The following MED26 variants were observed in gnomAD, a reference collection of about 807,000 sequenced individuals.
MED26 encodes the protein mediator complex subunit 26.
In MED26, 7 loss-of-function variants were observed where a neutral mutation model predicts 43.7. That is an observed-to-expected ratio of 0.16 (90% CI 0.09 to 0.30). The LOEUF is 0.30. MED26 is among the 10% of genes least tolerant of loss of function. The pLI is 1.00. For synonymous variants in MED26, 375 were observed against 371.1 expected, an observed-to-expected ratio of 1.01 and a Z score of -0.12; for missense variants, 784 against 840.6, an observed-to-expected ratio of 0.93 and a Z score of 0.83.
At chr19:16,624,391 C>T (rs559772422) in intron 1 of MED26, 33 of 152,354 alleles carry the variant, frequency 2.2e-4, no homozygotes, top group Middle Eastern at 6.8e-3. Context: ...GAAAGCAGCT[C>T]CCAAGGACGT....
At chr19:16,616,785 A>C (rs1268786738) in intron 1 of MED26, among the ~76,000 whole-genome samples, 2 of 152,142 alleles carry the variant, frequency 1.3e-5, no homozygotes, top group African/African-American at 4.8e-5. Flanking sequence ...GCTTAGGGGG[A>C]GCAGGCACCA....
At chr19:16,596,823 A>G (rs1028212932) in intron 1 of MED26, among the ~76,000 whole-genome samples, 1 of 152,192 alleles carries the variant, frequency 6.6e-6, no homozygotes, top group African/African-American at 2.4e-5. Flanking sequence ...ACGGGGTTCC[A>G]CAGCCTAGCC....
At chr19:16,580,455 G>A (rs1395467304) in intron 1 of MED26, among the ~76,000 whole-genome samples, 5 of 151,606 alleles carry the variant, frequency 3.3e-5, no homozygotes, top group Admixed American at 6.6e-5. Flanking sequence ...TGCAACCTCC[G>A]TCTCCTGGGT....
chr19:16,606,672 G>A (rs2086174824), intron 1 of MED26, among the ~76,000 whole-genome samples: 1 of 152,274 alleles, frequency 6.6e-6, no homozygotes, highest in Admixed American at 6.5e-5. Context: ...GAAACCTAGA[G>A]AGATTTTTGA....
rs116384010 is a variant in MED26, at chr19:16,603,085, C to T, written c.73-24676G>A. On this transcript the variant is annotated intron_variant, in intron 1 of 2. Transcript: ENST00000263390. ...CTAAGTTCCTAAGAGGTCCTCCTGCCAGGACCACTCTCCCTCAGGCATCTT... is the reference window on the plus strand; with the variant it reads ...CTAAGTTCCTAAGAGGTCCTCCTGCTAGGACCACTCTCCCTCAGGCATCTT... Among the ~76,000 whole-genome samples, 1,027 of 152,336 alleles carry T rather than the reference C, an allele frequency of 6.7e-3. 12 individuals carry two copies. Among genetic ancestry groups the T allele is most frequent in the African/African-American group, 0.024 (984 of 41,568 alleles).
chr19:16,581,324 T>G (rs1377821377), intron 1 of MED26, among the ~76,000 whole-genome samples: 6 of 152,134 alleles, frequency 3.9e-5, no homozygotes, highest in Non-Finnish European at 8.8e-5. Flanking sequence ...CCTCGTGCAA[T>G]GGGCAGGGAT....
At chr19:16,598,830 C>T (rs1193538560) in intron 1 of MED26, among the ~76,000 whole-genome samples, 2 of 152,162 alleles carry the variant, frequency 1.3e-5, no homozygotes, top group Non-Finnish European at 1.5e-5. Context: ...GCTATGATGA[C>T]ATCAAATAAT....
chr19:16,576,995 G>A lies in MED26; in HGVS notation c.835C>T (p.Arg279Trp), dbSNP rs201182566. The A allele has an allele frequency of 8.1e-6, 13 of 1,606,718 alleles. No homozygotes were observed. The Admixed American group carries it at 1.3e-4, about 17-fold the overall frequency. Residue 279 changes from arginine (R) to tryptophan (W), a missense_variant, in exon 3 of 3, where the codon CGG (arginine) becomes TGG (tryptophan). By Grantham distance (101) the Arg-to-Trp change is moderately radical. This residue lies in a region of MED26 where 719 missense variants were observed against 730.9 expected (regional missense o/e 0.98). Transcript: ENST00000263390. The surrounding 1 kb of genome is among the most constrained non-coding windows in gnomAD (Gnocchi z 6.8). ...TGCCGGGCAAAGGAGCCCTCATGCC[G>A]TGAGTTCCGAGGACTGAAAGAGCAG... ...PRCSFSPRNSRHEGSFARQQS... is the reference protein window; with the variant it reads ...PRCSFSPRNSWHEGSFARQQS...
intron 1 of MED26, among the ~76,000 whole-genome samples, chr19:16,618,867 C>T (rs756731358): frequency 6.6e-6 from 1 of 152,216 alleles, no homozygotes; most frequent in Non-Finnish European, 1.5e-5. Flanking sequence ...GGTGGGGCTT[C>T]CAGCAAAGAG....
intron 1 of MED26, 135 bp from the exon 2 acceptor site, chr19:16,578,544 A>C: frequency 1.3e-6 from 1 of 754,052 alleles, no homozygotes; most frequent in Non-Finnish European, 2.2e-6. Context: ...CCCCCACTCC[A>C]TGTCGTCTCC....
intron 1 of MED26, among the ~76,000 whole-genome samples, chr19:16,625,423 T>C (rs903394561): frequency 2.6e-5 from 4 of 152,216 alleles, no homozygotes; most frequent in Admixed American, 6.5e-5. Flanking sequence ...TTGCAAGCAA[T>C]AGCTAAGTTT....
chr19:16,579,173 G>C (rs1193385461), intron 1 of MED26, among the ~76,000 whole-genome samples: 3 of 152,200 alleles, frequency 2.0e-5, no homozygotes, highest in African/African-American at 7.2e-5. Flanking sequence ...AGAGCAGAAA[G>C]TCACAAAGTG....
At chr19:16,626,941 A>G (rs1424730575) in intron 1 of MED26, among the ~76,000 whole-genome samples, 3 of 103,676 alleles carry the variant, frequency 2.9e-5, no homozygotes, top group African/African-American at 1.3e-4. Context: ...CCCCGCAACA[A>G]CACACACACA....
chr19:16,603,461 GCTTT>G (rs998224606), intron 1 of MED26, among the ~76,000 whole-genome samples: 1 of 152,040 alleles, frequency 6.6e-6, no homozygotes, highest in African/African-American at 2.4e-5. Flanking sequence ...GTGCTTGAGG[GCTTT>G]TTTTAAAAAA....
chr19:16,610,247 T>G (rs1457181248), intron 1 of MED26: 1 of 151,938 alleles, frequency 6.6e-6, no homozygotes, highest in Admixed American at 6.6e-5. Context: ...ACAAGTAAAG[T>G]TTTTAGAGCA....
At chr19:16,583,491 G>A (rs1352976906) in intron 1 of MED26, among the ~76,000 whole-genome samples, 1 of 152,198 alleles carries the variant, frequency 6.6e-6, no homozygotes, top group Non-Finnish European at 1.5e-5. Context: ...TGCCTGTGAA[G>A]GGCAAGGGTG....
At chr19:16,598,495 A>G (rs892047458) in intron 1 of MED26, among the ~76,000 whole-genome samples, 5 of 151,842 alleles carry the variant, frequency 3.3e-5, no homozygotes, top group Non-Finnish European at 7.4e-5. Flanking sequence ...TCCCAGATGC[A>G]CCCCATCATT....
chr19:16,581,119 A>G (rs1209095796), intron 1 of MED26, among the ~76,000 whole-genome samples: 1 of 152,124 alleles, frequency 6.6e-6, no homozygotes, highest in East Asian at 1.9e-4. Flanking sequence ...AAAGTTGCAG[A>G]GCCACGACAG....
In MED26 at chr19:16,577,632, G is replaced by A. The variant is rs190038139; in HGVS notation, c.198C>T (p.Asn66=). 1.9e-5 allele frequency: 30 copies of A among 1,590,800 alleles called. No homozygotes were observed. The Admixed American group carries it at 2.9e-4, about 15-fold the overall frequency. The change falls in exon 3 of 3, where the codon AAC becomes AAT. Residue 66 remains asparagine (N), a synonymous_variant. Coordinates refer to ENST00000263390, the MANE Select transcript of MED26 (RefSeq NM_004831.5). The surrounding 1 kb of genome is among the most constrained non-coding windows in gnomAD (Gnocchi z 8.1). The part of the protein sequence containing the change: ...LINDVRKKTK[N]EELAKRAKKL... Reference sequence around the variant, plus strand: ...TCTTGGCCCGCTTGGCGAGCTCCTCGTTCTTGGTTTTCTTGCGGACGTCGT... The same window carrying A: ...TCTTGGCCCGCTTGGCGAGCTCCTCATTCTTGGTTTTCTTGCGGACGTCGT...
Sources: gnomAD v4.1 joint callset for allele counts (sites outside exome capture counted in the v4.1 genomes callset) on GRCh38, gnomAD v4.1.1 for gene constraint, gnomAD v4.1.1 regional missense constraint, Gnocchi (gnomAD v3.1) non-coding constraint, MANE v1.5 for transcripts, NCBI Gene and HGNC (gene_info 2026-07-23, HGNC 2026-07-21) for gene names.